NCS1: variants seen among roughly 807,000 people sequenced by gnomAD.
The protein encoded by NCS1 is frequenin homolog.
NCS1 carries 6 observed loss-of-function variants against 28.4 expected under a neutral mutation model. That is an observed-to-expected ratio of 0.21 (90% CI 0.12 to 0.42). NCS1 has a LOEUF of 0.42. Among genes scored for constraint, NCS1 ranks in the 10% least tolerant of loss-of-function variants. NCS1 has a pLI of 1.00. For synonymous variants in NCS1, 86 were observed against 99.3 expected (o/e 0.87, Z 0.79); for missense variants, 131 against 241.4 (o/e 0.54, Z 3.03).
intron 1 of NCS1, among the ~76,000 whole-genome samples, chr9:130,182,207 G>A (rs564043644): frequency 2.6e-5 from 4 of 152,268 alleles, no homozygotes; most frequent in African/African-American, 7.2e-5. Flanking sequence ...GCAAGTTCAG[G>A]GACACGCCCA....
At chr9:130,212,612 C>G (rs1342767015) in intron 2 of NCS1, among the ~76,000 whole-genome samples, 1 of 151,338 alleles carries the variant, frequency 6.6e-6, no homozygotes, top group Non-Finnish European at 1.5e-5. Context: ...GGCACAGGCC[C>G]GTGTCCCAGC....
At chr9:130,178,903 CCCCTCCCCTT>C (rs1193704207) in intron 1 of NCS1, among the ~76,000 whole-genome samples, 5 of 29,244 alleles carry the variant, frequency 1.7e-4, no homozygotes, top group South Asian at 2.4e-3. Context: ...CCCCTGCCCT[CCCCTCCCCTT>C]CCCTCCCCTT....
At chr9:130,184,429 TG>T (rs1832712958) in intron 1 of NCS1, among the ~76,000 whole-genome samples, 1 of 151,968 alleles carries the variant, frequency 6.6e-6, no homozygotes, top group Non-Finnish European at 1.5e-5. Context: ...CCCAGGATTG[TG>T]GATGGCATTC....
At chr9:130,210,833 TTTTTC>T (rs200450489) in intron 2 of NCS1, among the ~76,000 whole-genome samples, 4 of 150,834 alleles carry the variant, frequency 2.7e-5, no homozygotes, top group Admixed American at 6.6e-5. Flanking sequence ...CACCTTTTTC[TTTTTC>T]TTTTCTTTTT....
intron 2 of NCS1, among the ~76,000 whole-genome samples, chr9:130,202,353 C>G (rs1215371564): frequency 1.4e-5 from 2 of 144,194 alleles, no homozygotes; most frequent in Admixed American, 6.9e-5. Flanking sequence ...CCCTCCCCCC[C>G]ACCCCCTGAA....
chr9:130,211,362 G>A (rs952662980), intron 2 of NCS1, among the ~76,000 whole-genome samples: 2 of 151,540 alleles, frequency 1.3e-5, no homozygotes, highest in African/African-American at 2.4e-5. Context: ...GCTGGACTCC[G>A]AGATCCTGCC....
Position 130,233,734 on chromosome 9 carries a change from G to A in NCS1, c.*762G>A, listed in dbSNP as rs1833532298. ...CCCACCGTTTACATGTGCACGCCCTGACCCACCTGCCCACGCCGACTTGGG... is the reference window on the plus strand; with the variant it reads ...CCCACCGTTTACATGTGCACGCCCTAACCCACCTGCCCACGCCGACTTGGG... On this transcript the variant is annotated 3_prime_UTR_variant, in exon 8 of 8. Transcript: ENST00000372398. The surrounding 1 kb of genome is among the most constrained non-coding windows in gnomAD (Gnocchi z 4.8). 6.6e-6 allele frequency: 1 copy of A among 152,450 alleles called. No individual in the cohort carries two copies. Among genetic ancestry groups the A allele is most frequent in the Non-Finnish European group, 1.5e-5 (1 of 68,008 alleles). 9.4% of individuals were successfully genotyped at this position (152,450 alleles called of 1,614,324 possible).
At chr9:130,199,625 C>T (rs1168619875) in intron 1 of NCS1, among the ~76,000 whole-genome samples, 3 of 152,220 alleles carry the variant, frequency 2.0e-5, no homozygotes, top group Admixed American at 6.5e-5. Context: ...AGAGTTGTGC[C>T]ATCCTCCCTC....
chr9:130,172,635 C>A lies in NCS1; in HGVS notation c.-29C>A. 1.4e-6 allele frequency: 2 copies of A among 1,408,376 alleles called. No individual in the cohort carries two copies. The allele number at this position is 1,408,376 out of a possible 1,614,324, so 87.2% of individuals were successfully genotyped here. A position where few individuals can be genotyped will look rare whatever the true frequency, so the allele number is the denominator to read the frequency against. On this transcript the variant is annotated 5_prime_UTR_variant, in exon 1 of 8. Coordinates refer to ENST00000372398, the MANE Select transcript of NCS1 (RefSeq NM_014286.4). ...CTGGGCGCCCCAACCGGGTCCGGCC[C>A]GGGGGGGCGGGGGCCGCGGCCGCCG...
chr9:130,176,472 AGG>A (rs1486785267), intron 1 of NCS1, among the ~76,000 whole-genome samples: 1 of 152,128 alleles, frequency 6.6e-6, no homozygotes, highest in African/African-American at 2.4e-5. Context: ...CTGGGATCAC[AGG>A]CCTGAGCCAC....
At chr9:130,185,128 A>G (rs1232538940) in intron 1 of NCS1, among the ~76,000 whole-genome samples, 1 of 152,162 alleles carries the variant, frequency 6.6e-6, no homozygotes, top group Non-Finnish European at 1.5e-5. Context: ...CCCAGCGGCT[A>G]CTTCCAGGGG....
At chr9:130,200,915 C>T (rs1832938074) in intron 1 of NCS1, 43 bp from the exon 2 acceptor site, 12 of 1,613,928 alleles carry the variant, frequency 7.4e-6, no homozygotes, top group Non-Finnish European at 1.0e-5. Flanking sequence ...TCCCGGGACA[C>T]CTTCCCTGAG....
At position 130,217,821 on chromosome 9, in the gene NCS1, G is replaced by C. The variant is rs1554909597; in HGVS notation, c.90-11G>C. On this transcript the variant is annotated splice_polypyrimidine_tract_variant and intron_variant, in intron 2 of 7. Transcript: ENST00000372398. ...TCCTTTACCCTCTCTGGCCCGGTCTGCTGCCTCCAGGTACAAAGGCTTCAT... is the reference window on the plus strand; with the variant it reads ...TCCTTTACCCTCTCTGGCCCGGTCTCCTGCCTCCAGGTACAAAGGCTTCAT... The C allele has an allele frequency of 5.6e-6, 9 of 1,614,156 alleles. No individual in the cohort carries two copies. The highest frequency in any genetic ancestry group is 7.6e-6 in the Non-Finnish European group (9 of 1,180,028).
Position 130,234,054 on chromosome 9 carries a change from A to T in NCS1, c.*1082A>T, listed in dbSNP as rs1440017784. ...GGAAAACAGGGCGCCTAAGGCTGGG[A>T]GCTGGAAGAAGGGGCATTGGGTACC... is the stretch of plus-strand genomic sequence containing the variant. On this transcript the variant is annotated 3_prime_UTR_variant, in exon 8 of 8. Transcript: ENST00000372398. This position sits in a 1 kb window ranked among gnomAD's most constrained non-coding sequence, Gnocchi z 6.1. 1 of 152,100 alleles carries T rather than the reference A, an allele frequency of 6.6e-6. No homozygotes were observed. The highest frequency in any genetic ancestry group is 1.5e-5 in the Non-Finnish European group (1 of 68,030). The allele number at this position is 152,100 out of a possible 1,614,324, so 9.4% of individuals were successfully genotyped here.
intron 7 of NCS1, among the ~76,000 whole-genome samples, chr9:130,228,375 GTTTGTTTTGT>G (rs1284049131): frequency 1.3e-5 from 2 of 151,306 alleles, no homozygotes; most frequent in African/African-American, 4.9e-5. Context: ...TTTTTTGTTT[GTTTGTTTTGT>G]TTTGTTTTTT....
Position 130,181,472 on chromosome 9 carries a change from G to A in NCS1, c.64+8745G>A, listed in dbSNP as rs78547537. Among the ~76,000 whole-genome samples, 1 of 151,656 alleles carries A rather than the reference G, an allele frequency of 6.6e-6. No homozygotes were observed. The highest frequency in any genetic ancestry group is 1.5e-5 in the Non-Finnish European group (1 of 67,996). ...ACCCAGGCCTGTCCTTGGTGTTCAC[G>A]TGTGTTCCTCACCAATTCCACCCAG... On this transcript the variant is annotated intron_variant, in intron 1 of 7. Coordinates refer to ENST00000372398, the MANE Select transcript of NCS1 (RefSeq NM_014286.4). The surrounding 1 kb of genome is among the most constrained non-coding windows in gnomAD (Gnocchi z 5.0).
chr9:130,192,235 G>C lies in NCS1; in HGVS notation c.65-8723G>C, dbSNP rs572475396. Among the ~76,000 whole-genome samples the C allele has an allele frequency of 6.6e-6, 1 of 152,152 alleles. No homozygotes were observed. Among genetic ancestry groups the C allele is most frequent in the African/African-American group, 2.4e-5 (1 of 41,434 alleles). On this transcript the variant is annotated intron_variant, in intron 1 of 7. Coordinates refer to ENST00000372398, the MANE Select transcript of NCS1 (RefSeq NM_014286.4). The surrounding 1 kb of genome is among the most constrained non-coding windows in gnomAD (Gnocchi z 4.8). ...CAGTGATGATCATGCTGACTGCCTC[G>C]TGCCAGGCAGCTCCTGCGTCTGCTG... is the stretch of plus-strand genomic sequence containing the variant.
chr9:130,181,618 C>A lies in NCS1; in HGVS notation c.64+8891C>A, dbSNP rs1458062768. The stretch of plus-strand genomic sequence containing the variant: ...TTGGGGTCTGATCCCCGTCCCCTCT[C>A]AGCCTGGAGTCTGCACACTGAAGCC... On this transcript the variant is annotated intron_variant, in intron 1 of 7. Transcript: ENST00000372398. The surrounding 1 kb of genome is among the most constrained non-coding windows in gnomAD (Gnocchi z 5.0). Among the ~76,000 whole-genome samples, 1 of 152,186 alleles carries A rather than the reference C, an allele frequency of 6.6e-6. No homozygotes were observed. The highest frequency in any genetic ancestry group is 1.5e-5 in the Non-Finnish European group (1 of 68,024).
chr9:130,199,519 G>T (rs1832915534), intron 1 of NCS1, among the ~76,000 whole-genome samples: 1 of 152,202 alleles, frequency 6.6e-6, no homozygotes, highest in South Asian at 2.1e-4. Flanking sequence ...CCAGGAATCT[G>T]GCTGCCTGGT....
Sources: gnomAD v4.1 joint callset for allele counts (sites outside exome capture counted in the v4.1 genomes callset) on GRCh38, gnomAD v4.1.1 for gene constraint, Gnocchi (gnomAD v3.1) non-coding constraint, MANE v1.5 for transcripts, NCBI Gene and HGNC (gene_info 2026-07-23, HGNC 2026-07-21) for gene names.